The following WDR59 variants were observed in gnomAD, a reference collection of about 807,000 sequenced individuals.
WDR59 encodes the protein WD repeat domain 59.
In WDR59, 100 loss-of-function variants were observed where a neutral mutation model predicts 131.2. The observed-to-expected ratio is 0.76, with a 90% CI of 0.65 to 0.90. WDR59 has a LOEUF of 0.90. Ranked by LOEUF, WDR59 falls within the 40% of genes least tolerant of loss-of-function variation. The pLI, the probability that WDR59 is intolerant of heterozygous loss-of-function variation, is 0.00. For synonymous variants in WDR59, 601 were observed against 466.2 expected (o/e 1.29, Z -3.72); for missense variants, 1,203 against 1,262.2 (o/e 0.95, Z 0.71).
intron 17 of WDR59, 113 bp from the exon 18 acceptor site, chr16:74,904,213 A>C: frequency 7.5e-7 from 1 of 1,325,112 alleles, no homozygotes; most frequent in Admixed American, 2.3e-5. Context: ...GAAGATGGAA[A>C]CTCCAGAAAA....
intron 1 of WDR59, among the ~76,000 whole-genome samples, chr16:74,980,513 C>T (rs1377493347): frequency 6.6e-6 from 1 of 151,434 alleles, no homozygotes; most frequent in Non-Finnish European, 1.5e-5. Context: ...GCCACCATGC[C>T]TGGCTAATTT....
intron 2 of WDR59, among the ~76,000 whole-genome samples, chr16:74,960,753 T>TAAAAAAAAAAAAAAAAAAAAAAGAAAAAA (rs59914217): frequency 8.4e-6 from 1 of 118,720 alleles, no homozygotes; most frequent in Admixed American, 9.0e-5. Flanking sequence ...GTCTCAAAAA[T>TAAAAAAAAAAAAAAAAAAAAAAGAAAAAA]AAAAAAAAAA....
chr16:74,896,626 C>T (rs1399384669), intron 18 of WDR59, among the ~76,000 whole-genome samples: 1 of 141,318 alleles, frequency 7.1e-6, no homozygotes. Flanking sequence ...CAGAGCAAGA[C>T]CCTGCCTAAA....
At position 74,874,079 on chromosome 16, in the gene WDR59, T is replaced by A. The variant is rs151068806; in HGVS notation, c.*130A>T. 2.3e-4 allele frequency: 171 copies of A among 748,570 alleles called. No homozygotes were observed. The East Asian group carries it at 4.1e-3, about 18-fold the overall frequency. 46.4% of individuals were successfully genotyped at this position (748,570 alleles called of 1,614,324 possible). A position where few individuals can be genotyped will look rare whatever the true frequency, so the allele number is the denominator to read the frequency against. Reference sequence around the variant, plus strand: ...CCCACCAAGAGCTGATGCTGCGCAGTCCTTGGGGGATCATCCTCCGGTCTC... The same window carrying A: ...CCCACCAAGAGCTGATGCTGCGCAGACCTTGGGGGATCATCCTCCGGTCTC... On this transcript the variant is annotated 3_prime_UTR_variant, in exon 26 of 26. Transcript: ENST00000262144.
Position 74,912,264 on chromosome 16 carries a change from G to T in WDR59, c.1323C>A (p.Ala441=), listed in dbSNP as rs775044329. ...GGTTAATAAACTGGAAGGAAGGGGC[G>T]GCGTTGTTTGGGTACTGTGCAGGGA... The part of the protein sequence containing the change: ...VKFPAQYPNN[A]APSFQFINPT... Residue 441 remains alanine (A), a synonymous_variant, in exon 14 of 26, where the codon GCC becomes GCA. Coordinates refer to ENST00000262144, the MANE Select transcript of WDR59 (RefSeq NM_030581.4). 2 of 1,614,154 alleles carry T rather than the reference G, an allele frequency of 1.2e-6. No homozygotes were observed. The highest frequency in any genetic ancestry group is 2.2e-5 in the South Asian group (2 of 91,078).
intron 13 of WDR59, among the ~76,000 whole-genome samples, chr16:74,913,267 CTTT>C (rs567994050): frequency 7.7e-5 from 11 of 142,084 alleles, no homozygotes; most frequent in Non-Finnish European, 7.7e-5. Context: ...ACAAAGTATT[CTTT>C]TTTTTTTTTT....
intron 7 of WDR59, among the ~76,000 whole-genome samples, chr16:74,940,729 G>A (rs192743196): frequency 1.1e-4 from 16 of 151,932 alleles, no homozygotes; most frequent in Admixed American, 2.0e-4. Context: ...TTTTTGAGAC[G>A]GAGTCTTGCT....
intron 8 of WDR59, among the ~76,000 whole-genome samples, chr16:74,928,828 G>C (rs2031119166): frequency 6.6e-6 from 1 of 152,056 alleles, no homozygotes; most frequent in Non-Finnish European, 1.5e-5. Flanking sequence ...AGAATCGCTT[G>C]AACCCAGGAG....
intron 8 of WDR59, among the ~76,000 whole-genome samples, chr16:74,934,018 C>A (rs1329411623): frequency 6.6e-6 from 1 of 152,200 alleles, no homozygotes; most frequent in African/African-American, 2.4e-5. Context: ...ACAGGGTAAA[C>A]TATAATTCGC....
chr16:74,911,492 G>T (rs1441419688), intron 14 of WDR59, among the ~76,000 whole-genome samples: 5 of 152,190 alleles, frequency 3.3e-5, no homozygotes, highest in African/African-American at 9.7e-5. Context: ...TGCTCAGACT[G>T]AACGGGTATG....
chr16:74,885,141 C>T (rs113585843), intron 25 of WDR59, among the ~76,000 whole-genome samples: 2,296 of 152,204 alleles, frequency 0.015, 42 homozygotes, highest in African/African-American at 0.05. Context: ...TGTATATCAA[C>T]TACTTCTGTT....
At chr16:74,939,800 C>T (rs2032076264) in intron 7 of WDR59, among the ~76,000 whole-genome samples, 2 of 151,974 alleles carry the variant, frequency 1.3e-5, no homozygotes, top group African/African-American at 4.8e-5. Flanking sequence ...CCAGCCTGGG[C>T]AACACAGTAA....
rs564489423 is a variant in WDR59 at position 74,945,287 on chromosome 16, T to C, written c.446-2461A>G. ...GTCAGGAGATCGAGACCATCCTGGC[T>C]AACACAGTGAAACCCTGTCTCTACT... On this transcript the variant is annotated intron_variant, in intron 6 of 25. Transcript: ENST00000262144. Among the ~76,000 whole-genome samples the C allele has an allele frequency of 2.0e-5, 3 of 151,164 alleles. No homozygotes were observed. In the East Asian group the frequency reaches 5.9e-4, roughly 30 times the overall value.
intron 12 of WDR59, 66 bp from the exon 13 acceptor site, chr16:74,916,060 G>A: frequency 6.2e-7 from 1 of 1,613,900 alleles, no homozygotes; most frequent in Non-Finnish European, 8.5e-7. Context: ...ACAGGTCTGG[G>A]GTATCTGCCA....
chr16:74,904,429 T>G lies in WDR59; in HGVS notation c.1713-329A>C, dbSNP rs929797719. 8.9e-5 allele frequency: 21 copies of G among 237,046 alleles called. 1 individual carries two copies. In the Admixed American group the frequency reaches 1.1e-3, roughly 13 times the overall value. 14.7% of individuals were successfully genotyped at this position (237,046 alleles called of 1,614,324 possible). A position where few individuals can be genotyped will look rare whatever the true frequency, so the allele number is the denominator to read the frequency against. On this transcript the variant is annotated intron_variant, in intron 17 of 25. Transcript: ENST00000262144. ...GAAAATAAATATTTTAAAAGCTCAT[T>G]TATAGTAGCATTAAAACACGTCAAA... is the stretch of plus-strand genomic sequence containing the variant.
chr16:74,899,593 G>A (rs1304555620), intron 18 of WDR59: 6 of 944,174 alleles, frequency 6.4e-6, no homozygotes, highest in South Asian at 2.8e-5. Flanking sequence ...AAAACAGCTC[G>A]CCTGTCATTT....
chr16:74,968,972 C>G (rs1420201903), intron 1 of WDR59, among the ~76,000 whole-genome samples: 2 of 152,114 alleles, frequency 1.3e-5, no homozygotes, highest in Non-Finnish European at 2.9e-5. Context: ...AACGACCTAA[C>G]CAGAGAAAGT....
chr16:74,940,321 G>C (rs547970707), intron 7 of WDR59, among the ~76,000 whole-genome samples: 1 of 151,470 alleles, frequency 6.6e-6, no homozygotes, highest in Non-Finnish European at 1.5e-5. Context: ...GGAGGTTGCA[G>C]TGAGCCAAGA....
intron 25 of WDR59, among the ~76,000 whole-genome samples, chr16:74,875,207 G>C (rs1265846483): frequency 6.6e-6 from 1 of 152,204 alleles, no homozygotes; most frequent in African/African-American, 2.4e-5. Flanking sequence ...CTCCACCGCC[G>C]GGCGGGGACT....
Sources: gnomAD v4.1 joint callset for allele counts (sites outside exome capture counted in the v4.1 genomes callset) on GRCh38, gnomAD v4.1.1 for gene constraint, MANE v1.5 for transcripts, NCBI Gene and HGNC (gene_info 2026-07-23, HGNC 2026-07-21) for gene names.